The following KIRREL3 variants were observed in gnomAD, a reference collection of about 807,000 sequenced individuals.
KIRREL3 encodes the protein kirre like nephrin family adhesion molecule 3.
Under a neutral mutation model 89.7 loss-of-function variants are expected in KIRREL3, and 36 were observed. That is an observed-to-expected ratio of 0.40 (90% confidence interval 0.31 to 0.53). KIRREL3 has a LOEUF of 0.53. Ranked by LOEUF, KIRREL3 falls within the 20% of genes least tolerant of loss-of-function variation. The pLI is 0.49. For synonymous variants in KIRREL3, 445 were observed against 441.4 expected, an observed-to-expected ratio of 1.01 and a Z score of -0.10; for missense variants, 864 against 1,056.6, an observed-to-expected ratio of 0.82 and a Z score of 2.53.
rs928919228 is a variant in KIRREL3, at chr11:126,462,857, C to A, written c.742+300G>T. ...GACTTCCCCTCCAACAGAGGGGCCA[C>A]CGGCTAGGCCAGCAGAGGCAGCAGC... On this transcript the variant is annotated intron_variant, in intron 6 of 16. Coordinates refer to ENST00000525144, the MANE Select transcript of KIRREL3 (RefSeq NM_032531.4). The surrounding 1 kb of genome is among the most constrained non-coding windows in gnomAD (Gnocchi z 4.8). Among the ~76,000 whole-genome samples, 2 of 152,142 alleles carry A rather than the reference C, an allele frequency of 1.3e-5. No individual in the cohort carries two copies. Among genetic ancestry groups the A allele is most frequent in the African/African-American group, 2.4e-5 (1 of 41,428 alleles).
intron 1 of KIRREL3, among the ~76,000 whole-genome samples, chr11:126,721,705 G>A (rs1244313562): frequency 6.6e-6 from 1 of 152,200 alleles, no homozygotes; most frequent in Non-Finnish European, 1.5e-5. Context: ...GAAGTCAGGG[G>A]ATGAGCTTGA....
intron 1 of KIRREL3, among the ~76,000 whole-genome samples, chr11:126,832,428 C>A (rs1342898547): frequency 3.9e-5 from 6 of 152,060 alleles, no homozygotes; most frequent in Admixed American, 1.3e-4. Context: ...TAGAAGGAGA[C>A]CCCTGGAAAT....
At chr11:126,938,199 GA>G (rs2135096773) in intron 1 of KIRREL3, among the ~76,000 whole-genome samples, 1 of 152,318 alleles carries the variant, frequency 6.6e-6, no homozygotes, top group African/African-American at 2.4e-5. Flanking sequence ...GTAAGTCTTT[GA>G]AAAACTCTGC....
chr11:126,967,817 A>AAG (rs1565464308), intron 1 of KIRREL3, among the ~76,000 whole-genome samples: 1 of 151,786 alleles, frequency 6.6e-6, no homozygotes, highest in South Asian at 2.1e-4. Flanking sequence ...GCAGCTGGGG[A>AAG]GGGGGCTTGC....
rs1943826593 is a variant in KIRREL3 at position 126,837,667 on chromosome 11, G to C, written c.55+162788C>G. Reference sequence around the variant, plus strand: ...CTCCTCTGAACTGAAGCATAGGTAGGCTAACTAAAAGTAATTTTACAAAAG... The same window carrying C: ...CTCCTCTGAACTGAAGCATAGGTAGCCTAACTAAAAGTAATTTTACAAAAG... On this transcript the variant is annotated intron_variant, in intron 1 of 16. Coordinates refer to ENST00000525144, the MANE Select transcript of KIRREL3 (RefSeq NM_032531.4). The surrounding 1 kb of genome is among the most constrained non-coding windows in gnomAD (Gnocchi z 4.7). Among the ~76,000 whole-genome samples the C allele has an allele frequency of 6.6e-6, 1 of 152,170 alleles. No individual in the cohort carries two copies. Among genetic ancestry groups the C allele is most frequent in the Non-Finnish European group, 1.5e-5 (1 of 68,034 alleles).
At position 126,517,136 on chromosome 11, in the gene KIRREL3, A is replaced by AAGAGAGAGAGAGAGAGAGAG. The variant is rs199586143; in HGVS notation, c.433+4159_433+4178dup. On this transcript the variant is annotated intron_variant, in intron 4 of 16. Coordinates refer to ENST00000525144, the MANE Select transcript of KIRREL3 (RefSeq NM_032531.4). ...TTAGAGATTGAGAGAGAGAGAGAGAAAGAGAGAGAGAGAGAGAGAGAGAGA... is the reference window on the plus strand; with the variant it reads ...TTAGAGATTGAGAGAGAGAGAGAGAAAGAGAGAGAGAGAGAGAGAGAGAGAGAGAGAGAGAGAGAGAGAGA... 4.2e-3 allele frequency among the ~76,000 whole-genome samples: 589 copies of AAGAGAGAGAGAGAGAGAGAG among 140,846 alleles called. 8 individuals carry two copies. Among genetic ancestry groups the AAGAGAGAGAGAGAGAGAGAG allele is most frequent in the Middle Eastern group, 0.016 (4 of 254 alleles). The allele number at this position is 140,846 out of a possible 152,430, so 92.4% of individuals were successfully genotyped here.
chr11:126,599,907 C>T (rs12575184), intron 1 of KIRREL3, among the ~76,000 whole-genome samples: 21,211 of 152,200 alleles, frequency 0.14, 1,595 homozygotes, highest in East Asian at 0.2. Context: ...TTGCCAATTA[C>T]TCCTGCCTCC....
At chr11:126,547,979 G>A (rs566080709) in intron 2 of KIRREL3, among the ~76,000 whole-genome samples, 4 of 152,224 alleles carry the variant, frequency 2.6e-5, no homozygotes, top group Admixed American at 1.3e-4. Flanking sequence ...CTCAGAATGT[G>A]GATAACACTA....
At position 126,622,522 on chromosome 11, in the gene KIRREL3, G is replaced by A. The variant is rs1415143882; in HGVS notation, c.56-59610C>T. Reference sequence around the variant, plus strand: ...TATCAGGGCCCCAGCAAATAACTCAGCACCTTCATTACAAAAGTTAGCCAG... The same window carrying A: ...TATCAGGGCCCCAGCAAATAACTCAACACCTTCATTACAAAAGTTAGCCAG... On this transcript the variant is annotated intron_variant, in intron 1 of 16. Coordinates refer to ENST00000525144, the MANE Select transcript of KIRREL3 (RefSeq NM_032531.4). The surrounding 1 kb of genome is among the most constrained non-coding windows in gnomAD (Gnocchi z 5.2). Among the ~76,000 whole-genome samples the A allele has an allele frequency of 2.6e-5, 4 of 152,096 alleles. No individual in the cohort carries two copies. Among genetic ancestry groups the A allele is most frequent in the Non-Finnish European group, 1.5e-5 (1 of 68,014 alleles).
In KIRREL3 at chr11:126,991,248, T is replaced by C. The variant is rs78766879; in HGVS notation, c.55+9207A>G. Among the ~76,000 whole-genome samples the C allele has an allele frequency of 0.037, 5,657 of 152,196 alleles. 182 individuals are homozygous for C. The highest frequency in any genetic ancestry group is 0.088 in the African/African-American group (3,657 of 41,498). On this transcript the variant is annotated intron_variant, in intron 1 of 16. Transcript: ENST00000525144. The surrounding 1 kb of genome is among the most constrained non-coding windows in gnomAD (Gnocchi z 5.8). ...CACACTTCACTTAGTCAGGTTCTTCTTCTGCCTCCTGCCAGGGGCCCTCTC... is the reference window on the plus strand; with the variant it reads ...CACACTTCACTTAGTCAGGTTCTTCCTCTGCCTCCTGCCAGGGGCCCTCTC...
chr11:126,590,599 AAGG>A (rs1211132970), intron 1 of KIRREL3, among the ~76,000 whole-genome samples: 1 of 152,218 alleles, frequency 6.6e-6, no homozygotes, highest in Non-Finnish European at 1.5e-5. Flanking sequence ...GGGGGGCTGG[AAGG>A]AGGAGAAATG....
At chr11:126,886,822 G>A (rs985912049) in intron 1 of KIRREL3, among the ~76,000 whole-genome samples, 5 of 152,180 alleles carry the variant, frequency 3.3e-5, no homozygotes, top group Admixed American at 1.3e-4. Flanking sequence ...CAGCTGGAGG[G>A]AGGCCTCTTT....
intron 1 of KIRREL3, among the ~76,000 whole-genome samples, chr11:126,737,613 C>G (rs754148004): frequency 1.3e-5 from 2 of 152,170 alleles, no homozygotes; most frequent in African/African-American, 4.8e-5. Flanking sequence ...GAGAGACTCT[C>G]GAGACACACA....
Position 126,684,256 on chromosome 11 carries a change from G to A in KIRREL3, c.56-121344C>T, listed in dbSNP as rs755771017. 6.6e-6 allele frequency among the ~76,000 whole-genome samples: 1 copy of A among 152,230 alleles called. No individual in the cohort carries two copies. The highest frequency in any genetic ancestry group is 1.5e-5 in the Non-Finnish European group (1 of 68,046). On this transcript the variant is annotated intron_variant, in intron 1 of 16. Coordinates refer to ENST00000525144, the MANE Select transcript of KIRREL3 (RefSeq NM_032531.4). This position sits in a 1 kb window ranked among gnomAD's most constrained non-coding sequence, Gnocchi z 4.2. Reference sequence around the variant, plus strand: ...GTGCCCGTTCTGGGAAAGCCCCTGGGCTTGCTGGACCCATTTCTGCCCTTC... The same window carrying A: ...GTGCCCGTTCTGGGAAAGCCCCTGGACTTGCTGGACCCATTTCTGCCCTTC...
chr11:126,458,333 A>C (rs1956440173), intron 6 of KIRREL3, among the ~76,000 whole-genome samples: 1 of 152,256 alleles, frequency 6.6e-6, no homozygotes, highest in Admixed American at 6.5e-5. Flanking sequence ...GGCACCACAA[A>C]GGGAGCAAGG....
chr11:126,718,472 G>A (rs1286511214), intron 1 of KIRREL3, among the ~76,000 whole-genome samples: 1 of 152,212 alleles, frequency 6.6e-6, no homozygotes, highest in African/African-American at 2.4e-5. Context: ...GGGGGCACTG[G>A]AAACACTTGG....
rs377050073 is a variant in KIRREL3 at position 126,740,181 on chromosome 11, G to A, written c.56-177269C>T. 1.6e-4 allele frequency among the ~76,000 whole-genome samples: 25 copies of A among 152,050 alleles called. No individual in the cohort carries two copies. The East Asian group carries it at 4.1e-3, about 25-fold the overall frequency. On this transcript the variant is annotated intron_variant, in intron 1 of 16. Coordinates refer to ENST00000525144, the MANE Select transcript of KIRREL3 (RefSeq NM_032531.4). The surrounding 1 kb of genome is among the most constrained non-coding windows in gnomAD (Gnocchi z 6.0). ...TATTTTCAAGATATTATTTTTTAGA[G>A]GTGGCATCTAATTATGTTTTCTCTC...
rs7944781 is a variant in KIRREL3, at chr11:126,734,033, G to T, written c.56-171121C>A. ...GAAGAGGTCAGCGTCTGCCTCTCAA[G>T]GTGTGGGCTGTCAGCATGAGGATCA... On this transcript the variant is annotated intron_variant, in intron 1 of 16. Coordinates refer to ENST00000525144, the MANE Select transcript of KIRREL3 (RefSeq NM_032531.4). The surrounding 1 kb of genome is among the most constrained non-coding windows in gnomAD (Gnocchi z 5.9). Among the ~76,000 whole-genome samples, 17,921 of 152,224 alleles carry T rather than the reference G, an allele frequency of 0.12. 1,362 individuals are homozygous for T. The highest frequency in any genetic ancestry group is 0.2 in the African/African-American group (8,324 of 41,516).
intron 2 of KIRREL3, among the ~76,000 whole-genome samples, chr11:126,533,070 G>C (rs1958992057): frequency 1.3e-5 from 2 of 152,142 alleles, no homozygotes; most frequent in South Asian, 4.1e-4. Flanking sequence ...GCCTTCCAAA[G>C]TGCTGAGATT....
Sources: allele counts gnomAD v4.1 joint callset (sites outside exome capture counted in the v4.1 genomes callset), GRCh38; gene constraint gnomAD v4.1.1; non-coding constraint Gnocchi (gnomAD v3.1); transcripts MANE v1.5; gene names NCBI Gene and HGNC (gene_info 2026-07-23, HGNC 2026-07-21).